PDXK: variants seen among roughly 807,000 people sequenced by gnomAD.
PDXK encodes pyridoxal kinase.
In PDXK, 15 loss-of-function variants were observed where a neutral mutation model predicts 43.2. That is an observed-to-expected ratio of 0.35 (90% CI 0.23 to 0.53). PDXK has a LOEUF of 0.53. Ranked by LOEUF, PDXK falls within the 20% of genes least tolerant of loss-of-function variation. The pLI, the probability that PDXK is intolerant of heterozygous loss-of-function variation, is 0.92. For synonymous variants in PDXK, 172 were observed against 165.4 expected (o/e 1.04, Z -0.31); for missense variants, 343 against 417.0 (o/e 0.82, Z 1.54).
At chr21:43,750,920 ATGTG>A in intron 7 of PDXK, among the ~76,000 whole-genome samples, 1 of 100,994 alleles carries the variant, frequency 9.9e-6, no homozygotes, top group East Asian at 3.6e-4. Context: ...GCATGTGTGC[ATGTG>A]TGTGCGTATG....
chr21:43,729,144 T>C (rs6518317), intron 1 of PDXK: 250,965 of 408,464 alleles, frequency 0.61, 78,091 homozygotes, highest in South Asian at 0.76. Context: ...GCTGGGTGCT[T>C]GGCGCTTGTT....
intron 1 of PDXK, among the ~76,000 whole-genome samples, chr21:43,726,934 G>T (rs2083260179): frequency 1.3e-5 from 2 of 152,176 alleles, no homozygotes; most frequent in African/African-American, 4.8e-5. Context: ...TATGGGGCAT[G>T]TGTGCATGGC....
At position 43,732,711 on chromosome 21, in the gene PDXK, C is replaced by CT; in HGVS notation, c.88-1357dup. 1.4e-6 allele frequency: 1 copy of CT among 728,802 alleles called. No individual in the cohort carries two copies. The highest frequency in any genetic ancestry group is 2.5e-5 in the East Asian group (1 of 40,700). 45.1% of individuals were successfully genotyped at this position (728,802 alleles called of 1,614,324 possible). A position where few individuals can be genotyped will look rare whatever the true frequency, so the allele number is the denominator to read the frequency against. ...TGTGTATAGAGGCTGTGGATTCGGGCTGGTACATTTGCAAAGTGCCCATTT... is the reference window on the plus strand; with the variant it reads ...TGTGTATAGAGGCTGTGGATTCGGGCTTGGTACATTTGCAAAGTGCCCATTT... On this transcript the variant is annotated intron_variant, in intron 1 of 10. Coordinates refer to ENST00000291565, the MANE Select transcript of PDXK (RefSeq NM_003681.5). This position sits in a 1 kb window ranked among gnomAD's most constrained non-coding sequence, Gnocchi z 4.1.
chr21:43,753,427 A>G (rs747450365), intron 8 of PDXK, among the ~76,000 whole-genome samples, 156 bp from the exon 9 acceptor site: 20 of 151,864 alleles, frequency 1.3e-4, no homozygotes, highest in Non-Finnish European at 2.8e-4. Flanking sequence ...TGGGGACCCC[A>G]TGCATGCCCT....
chr21:43,719,610 C>T, intron 1 of PDXK: 1 of 985,266 alleles, frequency 1.0e-6, no homozygotes, highest in Middle Eastern at 5.2e-4. Flanking sequence ...ACGGGTCCGG[C>T]GTCGGGGTAC....
At chr21:43,719,968 C>G (rs929866976) in intron 1 of PDXK, 1 of 967,020 alleles carries the variant, frequency 1.0e-6, no homozygotes, top group African/African-American at 1.8e-5. Flanking sequence ...GAGGGTGGGG[C>G]AGGGGCTGCT....
At chr21:43,719,417 C>T in intron 1 of PDXK, 36 bp downstream of exon 1, 3 of 1,497,864 alleles carry the variant, frequency 2.0e-6, no homozygotes, top group Non-Finnish European at 2.7e-6. Context: ...TTACGTAACC[C>T]GAGCCCGTGA....
chr21:43,721,946 T>G (rs983729522), intron 1 of PDXK: 6 of 152,410 alleles, frequency 3.9e-5, no homozygotes, highest in Non-Finnish European at 8.8e-5. Context: ...GGGAACATGT[T>G]GGCATGACCA....
intron 5 of PDXK, 52 bp from the exon 6 acceptor site, chr21:43,748,943 G>A (rs1285059486): frequency 2.2e-5 from 26 of 1,158,432 alleles, no homozygotes; most frequent in Middle Eastern, 2.0e-4. Flanking sequence ...GCCCCCTGGC[G>A]TGCTTCCCTC....
Position 43,732,211 on chromosome 21 carries a change from T to A in PDXK, c.88-1858T>A. ...GCCACTGCTGTACAGAGATGCCAAT[T>A]CCAGAGGCATGGTCCGGCACAGAGC... is the stretch of plus-strand genomic sequence containing the variant. On this transcript the variant is annotated intron_variant, in intron 1 of 10. Transcript: ENST00000291565. This position sits in a 1 kb window ranked among gnomAD's most constrained non-coding sequence, Gnocchi z 4.1. The A allele has an allele frequency of 7.0e-7, 1 of 1,438,260 alleles. No homozygotes were observed. The highest frequency in any genetic ancestry group is 1.5e-5 in the South Asian group (1 of 66,804). The allele number at this position is 1,438,260 out of a possible 1,614,324, so 89.1% of individuals were successfully genotyped here.
intron 5 of PDXK, among the ~76,000 whole-genome samples, chr21:43,746,891 C>T (rs1030705385): frequency 1.8e-4 from 27 of 152,088 alleles, no homozygotes; most frequent in African/African-American, 5.8e-4. Context: ...CCAGCACTTT[C>T]GGGGGCCAGA....
Position 43,732,236 on chromosome 21 carries a change from C to A in PDXK, c.88-1833C>A, listed in dbSNP as rs115693395. On this transcript the variant is annotated intron_variant, in intron 1 of 10. Transcript: ENST00000291565. This position sits in a 1 kb window ranked among gnomAD's most constrained non-coding sequence, Gnocchi z 4.1. ...TCCAGAGGCATGGTCCGGCACAGAG[C>A]GCTGGCTTCCAGCTGAAGGACATGT... 4,287 of 1,462,778 alleles carry A rather than the reference C, an allele frequency of 2.9e-3. 8 individuals are homozygous for A. The highest frequency in any genetic ancestry group is 3.5e-3 in the Non-Finnish European group (3,881 of 1,112,234). The allele number at this position is 1,462,778 out of a possible 1,614,324, so 90.6% of individuals were successfully genotyped here.
chr21:43,747,368 T>C (rs1421322987), intron 5 of PDXK, among the ~76,000 whole-genome samples: 1 of 152,246 alleles, frequency 6.6e-6, no homozygotes, highest in Non-Finnish European at 1.5e-5. Context: ...TTTGTCGTTG[T>C]GTCTAGGGTG....
chr21:43,733,825 CG>C lies in PDXK; in HGVS notation c.88-241del. 5 of 696,316 alleles carry C rather than the reference CG, an allele frequency of 7.2e-6. No individual in the cohort carries two copies. The South Asian group carries it at 7.6e-5, about 11-fold the overall frequency. 43.1% of individuals were successfully genotyped at this position (696,316 alleles called of 1,614,324 possible). On this transcript the variant is annotated intron_variant, in intron 1 of 10. Coordinates refer to ENST00000291565, the MANE Select transcript of PDXK (RefSeq NM_003681.5). The stretch of plus-strand genomic sequence containing the variant: ...TCCTGTGGGCTGGGCGATGCCCTCC[CG>C]GGCTGGTTGCTCCCCAGAGAGGGAA...
chr21:43,753,776 C>T, intron 9 of PDXK, 57 bp downstream of exon 9: 2 of 1,554,278 alleles, frequency 1.3e-6, no homozygotes, highest in Non-Finnish European at 8.7e-7. Context: ...TCATGGGGAG[C>T]AGGATATGAG....
chr21:43,745,829 T>C, intron 4 of PDXK: 1 of 534,078 alleles, frequency 1.9e-6, no homozygotes, highest in Non-Finnish European at 3.4e-6. Context: ...AGAACCCATC[T>C]GTACAAATCA....
At chr21:43,741,988 A>C (rs2083542591) in intron 3 of PDXK, among the ~76,000 whole-genome samples, 1 of 151,908 alleles carries the variant, frequency 6.6e-6, no homozygotes, top group Non-Finnish European at 1.5e-5. Flanking sequence ...AGGCTGTGCC[A>C]AGTCACCCCC....
Position 43,746,070 on chromosome 21 carries a change from T to C in PDXK, c.332-9T>C. On this transcript the variant is annotated splice_polypyrimidine_tract_variant and intron_variant, in intron 4 of 10. Coordinates refer to ENST00000291565, the MANE Select transcript of PDXK (RefSeq NM_003681.5). ...CCTTTGCTGATAAGATGCCCTTGTG[T>C]CTCTGCAGTGTGTGATCCAGTCTTG... is the stretch of plus-strand genomic sequence containing the variant. The C allele has an allele frequency of 1.9e-6, 3 of 1,611,340 alleles. No individual in the cohort carries two copies. Among genetic ancestry groups the C allele is most frequent in the Non-Finnish European group, 2.5e-6 (3 of 1,177,408 alleles).
At chr21:43,739,350 C>T (rs988163926) in intron 2 of PDXK, among the ~76,000 whole-genome samples, 3 of 152,204 alleles carry the variant, frequency 2.0e-5, no homozygotes, top group Non-Finnish European at 4.4e-5. Flanking sequence ...TAACCTGTCT[C>T]TTCTCATTCC....
Sources: allele counts gnomAD v4.1 joint callset (sites outside exome capture counted in the v4.1 genomes callset), GRCh38; gene constraint gnomAD v4.1.1; non-coding constraint Gnocchi (gnomAD v3.1); transcripts MANE v1.5; gene names NCBI Gene and HGNC (gene_info 2026-07-23, HGNC 2026-07-21).